Variants in DAGLB observed in about 807,000 individuals in gnomAD.
The protein encoded by DAGLB is diacylglycerol lipase-beta.
Under a neutral mutation model 72.1 loss-of-function variants are expected in DAGLB, and 66 were observed. The observed-to-expected ratio is 0.92, with a 90% CI of 0.75 to 1.12. The LOEUF (loss-of-function observed/expected upper bound fraction) is 1.12, where lower values mean the gene tolerates loss of function less well. Ranked by LOEUF, DAGLB falls within the 50% of genes most tolerant of loss-of-function variation. DAGLB has a pLI of 0.00. For missense variants in DAGLB, 1,065 were observed against 884.9 expected, an observed-to-expected ratio of 1.20 and a Z score of -2.58; for synonymous variants, 414 against 359.5, an observed-to-expected ratio of 1.15 and a Z score of -1.71.
In DAGLB at chr7:6,426,098, T is replaced by C. The variant is rs144616153; in HGVS notation, c.946A>G (p.Thr316Ala). The C allele has an allele frequency of 4.3e-6, 7 of 1,613,684 alleles. No homozygotes were observed. The African/African-American group carries it at 8.0e-5, about 18-fold the overall frequency. The change falls in exon 7 of 15, where the codon ACA becomes GCA. Residue 316 changes from threonine to alanine, a missense_variant. Thr to Ala is a moderately conservative substitution (Grantham distance 58). Transcript: ENST00000297056. ...TCGCCTCCGACCAAGTCATAGTCTG[T>C]GGTTCTGCTTCTGCAGCTAAAAAGA... ...IGGDCCRSRT[T>A]DYDLVGGDQL...
In DAGLB at chr7:6,432,927, C is replaced by T. The variant is rs61732628; in HGVS notation, c.711G>A (p.Ala237=). Residue 237 remains alanine (A), a synonymous_variant, in exon 5 of 15, where the codon GCG becomes GCA. Coordinates refer to ENST00000297056, the MANE Select transcript of DAGLB (RefSeq NM_139179.4). ...DTDLVPSDIA[A]GLALLHQQQD... ...GTTGCTGATGAAGCAGGGCGAGGCC[C>T]GCCGCAATGTCGCTGGGCACCAGAT... 2.3e-3 allele frequency: 3,671 copies of T among 1,613,842 alleles called. 86 individuals carry two copies. The African/African-American group carries it at 0.044, about 19-fold the overall frequency.
chr7:6,418,348 G>A (rs543541036), intron 9 of DAGLB, among the ~76,000 whole-genome samples: 11 of 151,934 alleles, frequency 7.2e-5, no homozygotes, highest in Admixed American at 2.0e-4. Context: ...CAGCCTGGGT[G>A]GCACAGTGAG....
At chr7:6,416,574 G>A (rs778575026) in intron 11 of DAGLB, 53 bp downstream of exon 11, 7 of 1,544,976 alleles carry the variant, frequency 4.5e-6, no homozygotes, top group Admixed American at 2.1e-5. Context: ...GATGAGTCTT[G>A]ACCACATGAC....
chr7:6,429,410 GAC>G (rs1784409202), intron 6 of DAGLB, among the ~76,000 whole-genome samples: 1 of 151,632 alleles, frequency 6.6e-6, no homozygotes, highest in Admixed American at 6.6e-5. Flanking sequence ...AGACCAAAGA[GAC>G]ACAGCAACTA....
chr7:6,438,707 A>T (rs1384154763), intron 2 of DAGLB, among the ~76,000 whole-genome samples: 2 of 152,226 alleles, frequency 1.3e-5, no homozygotes, highest in African/African-American at 4.8e-5. Flanking sequence ...ACAAGGAATC[A>T]AGAGATGGAG....
At chr7:6,441,695 G>A (rs1364407073) in intron 2 of DAGLB, among the ~76,000 whole-genome samples, 1 of 152,100 alleles carries the variant, frequency 6.6e-6, no homozygotes, top group Admixed American at 6.6e-5. Context: ...GGAATTACAG[G>A]TGTAAGCCAC....
intron 3 of DAGLB, among the ~76,000 whole-genome samples, chr7:6,435,674 G>A (rs1784632214): frequency 6.6e-6 from 1 of 152,056 alleles, no homozygotes; most frequent in African/African-American, 2.4e-5. Flanking sequence ...CGGTGCCTCA[G>A]GGCTCTTCTC....
At chr7:6,446,173 A>G (rs996291939) in intron 1 of DAGLB, 69 bp from the exon 2 acceptor site, 6 of 1,495,832 alleles carry the variant, frequency 4.0e-6, no homozygotes, top group Non-Finnish European at 5.4e-6. Context: ...ACATGATACA[A>G]AGAAATAAAA....
At position 6,409,615 on chromosome 7, in the gene DAGLB, A is replaced by C; in HGVS notation, c.*222T>G. On this transcript the variant is annotated 3_prime_UTR_variant, in exon 15 of 15. Transcript: ENST00000297056. ...GTCTCCACGGTCGCTGGGTCTCAGG[A>C]GTCGTCCTATCACCTGAGCGTGCTC... 1.7e-6 allele frequency: 1 copy of C among 592,660 alleles called. No homozygotes were observed. 36.7% of individuals were successfully genotyped at this position (592,660 alleles called of 1,614,324 possible).
At chr7:6,434,237 GA>G (rs11333519) in intron 4 of DAGLB, among the ~76,000 whole-genome samples, 89,147 of 148,230 alleles carry the variant, frequency 0.6, 29,074 homozygotes, top group East Asian at 0.91. Flanking sequence ...CGCTGCATGT[GA>G]AAAAAAAAAA....
chr7:6,435,215 T>C (rs1422993521), intron 3 of DAGLB, among the ~76,000 whole-genome samples, 195 bp from the exon 4 acceptor site: 1 of 152,104 alleles, frequency 6.6e-6, no homozygotes, highest in Non-Finnish European at 1.5e-5. Context: ...AGGCTGGGCA[T>C]GGTGGCTCAC....
intron 11 of DAGLB, 40 bp downstream of exon 11, chr7:6,416,587 G>A (rs772982290): frequency 1.3e-6 from 2 of 1,557,066 alleles, no homozygotes; most frequent in Non-Finnish European, 1.7e-6. Context: ...CACATGACTT[G>A]TAAGTAGCAA....
At chr7:6,432,776 T>C (rs1784529754) in intron 5 of DAGLB, 61 bp downstream of exon 5, 1 of 1,570,336 alleles carries the variant, frequency 6.4e-7, no homozygotes, top group Non-Finnish European at 8.6e-7. Context: ...GCTGTATGAT[T>C]CTGAAGACCC....
chr7:6,441,412 CA>C (rs1784828611), intron 2 of DAGLB, among the ~76,000 whole-genome samples: 1 of 133,404 alleles, frequency 7.5e-6, no homozygotes, highest in African/African-American at 2.8e-5. Context: ...ATTAAACAAA[CA>C]TTTTTTTCTT....
In DAGLB at chr7:6,412,952, C is replaced by G. The variant is rs548461410; in HGVS notation, c.1496+14G>C. The G allele has an allele frequency of 6.2e-7, 1 of 1,613,874 alleles. No individual in the cohort carries two copies. Among genetic ancestry groups the G allele is most frequent in the Admixed American group, 1.7e-5 (1 of 59,980 alleles). On this transcript the variant is annotated intron_variant, in intron 12 of 14. Coordinates refer to ENST00000297056, the MANE Select transcript of DAGLB (RefSeq NM_139179.4). ...CAACCCCCCAGCCCTGGGCACAGCA[C>G]CAGGTGGGCTTACCTGGGAATCACA...
chr7:6,422,080 C>T (rs576058062), intron 8 of DAGLB: 15 of 529,290 alleles, frequency 2.8e-5, no homozygotes, highest in Admixed American at 4.7e-5. Context: ...ATCACACACA[C>T]GTATTCTAAG....
rs1784452196 is a variant in DAGLB, at chr7:6,430,530, G to C, written c.879C>G (p.Leu293=). 4 of 1,601,360 alleles carry C rather than the reference G, an allele frequency of 2.5e-6. No individual in the cohort carries two copies. Among genetic ancestry groups the C allele is most frequent in the East Asian group, 2.2e-5 (1 of 44,696 alleles). ...CCGTGAGGGGGTTTCTGTAGATGTA[G>C]AGGGGCCACCCATAGGCCGCTGCTG... is the stretch of plus-strand genomic sequence containing the variant. ...QFAAAAYGWP[L]YIYRNPLTGL... is the part of the protein sequence containing the mutation. The change falls in exon 6 of 15, where the codon CTC becomes CTG. Residue 293 remains leucine (L), a synonymous_variant. Coordinates refer to ENST00000297056, the MANE Select transcript of DAGLB (RefSeq NM_139179.4).
intron 9 of DAGLB, among the ~76,000 whole-genome samples, chr7:6,418,954 G>A (rs1025300904): frequency 1.3e-5 from 2 of 151,984 alleles, no homozygotes; most frequent in Admixed American, 6.6e-5. Flanking sequence ...GTGAGCCACC[G>A]CACCTGGCTG....
At position 6,410,183 on chromosome 7, in the gene DAGLB, AG is replaced by A; in HGVS notation, c.1766del (p.Pro589LeufsTer43). The A allele has an allele frequency of 1.9e-6, 3 of 1,594,734 alleles. No homozygotes were observed. The highest frequency in any genetic ancestry group is 2.6e-6 in the Non-Finnish European group (3 of 1,168,048). On this transcript the variant is annotated frameshift_variant, in exon 14 of 15. Coordinates refer to ENST00000297056, the MANE Select transcript of DAGLB (RefSeq NM_139179.4). LOFTEE classifies it high-confidence loss of function. Reference sequence around the variant, plus strand: ...GGATGATCCTGCCGGGAGGGTAGAGAGGGGGGTACTTGGGAGAAGAGTCCAG... The same window carrying A: ...GGATGATCCTGCCGGGAGGGTAGAGAGGGGGTACTTGGGAGAAGAGTCCAG... ...SPLDSSPKYP[P>X]LYPPGRIIHL...
Sources: gnomAD v4.1 joint callset for allele counts (sites outside exome capture counted in the v4.1 genomes callset) on GRCh38, gnomAD v4.1.1 for gene constraint, MANE v1.5 for transcripts, NCBI Gene and HGNC (gene_info 2026-07-23, HGNC 2026-07-21) for gene names.